The following CREB3L2 variants were observed in gnomAD, a reference collection of about 807,000 sequenced individuals.
CREB3L2 encodes cyclic AMP-responsive element-binding protein 3-like protein 2.
Under a neutral mutation model 57.2 loss-of-function variants are expected in CREB3L2, and 23 were observed. The ratio of observed to expected loss-of-function variants is 0.40; its 90% CI spans 0.29 to 0.57. The LOEUF (loss-of-function observed/expected upper bound fraction) is 0.57. CREB3L2 is among the 20% of genes least tolerant of loss of function. CREB3L2 has a pLI of 0.42. For synonymous variants in CREB3L2, 268 were observed against 265.1 expected (o/e 1.01, Z -0.11); for missense variants, 628 against 634.7 (o/e 0.99, Z 0.11).
intron 8 of CREB3L2, among the ~76,000 whole-genome samples, chr7:137,887,704 G>A (rs867154239): frequency 4.0e-5 from 6 of 149,276 alleles, no homozygotes; most frequent in African/African-American, 1.5e-4. Context: ...GCGAGATTCC[G>A]TCTCAAAGAA....
intron 1 of CREB3L2, among the ~76,000 whole-genome samples, chr7:137,949,255 C>T (rs1758565581): frequency 6.6e-6 from 1 of 152,200 alleles, no homozygotes; most frequent in African/African-American, 2.4e-5. Flanking sequence ...CTGATACGGA[C>T]CCGTGATGGG....
In CREB3L2 at chr7:137,943,597, G is replaced by C. The variant is rs182179274; in HGVS notation, c.103-15231C>G. The stretch of plus-strand genomic sequence containing the variant: ...GTTATGCAGAACCTCCATGAGAAAT[G>C]GGGGAGGGAAATGGCACTAGACCAT... On this transcript the variant is annotated intron_variant, in intron 1 of 11. Transcript: ENST00000330387. Among the ~76,000 whole-genome samples the C allele has an allele frequency of 4.6e-5, 7 of 152,258 alleles. No individual in the cohort carries two copies. The East Asian group carries it at 5.8e-4, about 13-fold the overall frequency.
chr7:137,878,911 G>A lies in CREB3L2; in HGVS notation c.*1565C>T. ...CAATAACAATGCAGATGACGTGTGTGGGGGTGGGTGGTGGGGGGAGAGAGA... is the reference window on the plus strand; with the variant it reads ...CAATAACAATGCAGATGACGTGTGTAGGGGTGGGTGGTGGGGGGAGAGAGA... On this transcript the variant is annotated 3_prime_UTR_variant, in exon 12 of 12. Coordinates refer to ENST00000330387, the MANE Select transcript of CREB3L2 (RefSeq NM_194071.4). 2 of 399,376 alleles carry A rather than the reference G, an allele frequency of 5.0e-6. No homozygotes were observed. The highest frequency in any genetic ancestry group is 2.5e-5 in the South Asian group (1 of 40,046). The allele number at this position is 399,376 out of a possible 1,614,324, so 24.7% of individuals were successfully genotyped here.
chr7:137,974,588 T>C (rs931095571), intron 1 of CREB3L2, among the ~76,000 whole-genome samples: 1 of 152,052 alleles, frequency 6.6e-6, no homozygotes, highest in Non-Finnish European at 1.5e-5. Flanking sequence ...AGAACAGATA[T>C]GAGAAAAGTT....
intron 2 of CREB3L2, among the ~76,000 whole-genome samples, chr7:137,921,627 A>G (rs1408304154): frequency 1.3e-5 from 2 of 152,262 alleles, no homozygotes; most frequent in Admixed American, 1.3e-4. Flanking sequence ...AAGAAAAAAA[A>G]ACCCTAAATT....
At chr7:137,904,468 C>A (rs1321384919) in intron 6 of CREB3L2, among the ~76,000 whole-genome samples, 1 of 152,132 alleles carries the variant, frequency 6.6e-6, no homozygotes, top group Non-Finnish European at 1.5e-5. Context: ...GAGTTCAAGA[C>A]CAGCCTGGGC....
chr7:137,915,791 G>A, intron 3 of CREB3L2, 46 bp downstream of exon 3: 2 of 1,529,654 alleles, frequency 1.3e-6, no homozygotes, highest in South Asian at 2.4e-5. Context: ...GGATCTATCT[G>A]TATCTTTTAA....
rs776396630 is a variant in CREB3L2 at position 137,928,153 on chromosome 7, C to G, written c.316G>C (p.Asp106His). The G allele has an allele frequency of 6.5e-7, 1 of 1,532,502 alleles. No homozygotes were observed. The highest frequency in any genetic ancestry group is 8.8e-7 in the Non-Finnish European group (1 of 1,142,432). The allele number at this position is 1,532,502 out of a possible 1,614,324, so 94.9% of individuals were successfully genotyped here. The change falls in exon 2 of 12, where the codon GAC becomes CAC. Residue 106 changes from aspartate to histidine, a missense_variant. This residue lies in a region of CREB3L2 where 339 missense variants were observed against 355.4 expected (regional missense o/e 0.95). Coordinates refer to ENST00000330387, the MANE Select transcript of CREB3L2 (RefSeq NM_194071.4). ...CTTCCTCCTCCTCTGAGTTTACCGT[C>G]ATTGAAGCTGTCACTGGTGGTAATG... ...THITTSDSFN[D>H]DEVESEKWYL...
At chr7:137,943,734 T>C (rs970853874) in intron 1 of CREB3L2, among the ~76,000 whole-genome samples, 5 of 152,196 alleles carry the variant, frequency 3.3e-5, no homozygotes, top group African/African-American at 1.2e-4. Flanking sequence ...CCAGGCCATG[T>C]TGATATTGTC....
intron 1 of CREB3L2, among the ~76,000 whole-genome samples, chr7:137,997,530 G>A (rs1348818862): frequency 2.0e-5 from 3 of 150,502 alleles, no homozygotes; most frequent in African/African-American, 7.3e-5. Context: ...AGACCAGCCT[G>A]GGCAACATAC....
At chr7:137,947,482 G>T (rs1222572909) in intron 1 of CREB3L2, among the ~76,000 whole-genome samples, 2 of 152,164 alleles carry the variant, frequency 1.3e-5, no homozygotes, top group Non-Finnish European at 2.9e-5. Flanking sequence ...CAAACTGGGG[G>T]TGTAGTCCTG....
At chr7:137,885,331 G>T in intron 9 of CREB3L2, 72 bp downstream of exon 9, 2 of 1,362,874 alleles carry the variant, frequency 1.5e-6, no homozygotes, top group Non-Finnish European at 2.1e-6. Flanking sequence ...CTTGGCCTTG[G>T]CAAGTGGAGG....
At chr7:137,956,464 A>C in intron 1 of CREB3L2, 1 of 436,914 alleles carries the variant, frequency 2.3e-6, no homozygotes, top group East Asian at 7.3e-5. Context: ...CAGTAATAGA[A>C]TTAATTTGAA....
At chr7:137,919,802 C>T (rs1304720791) in intron 2 of CREB3L2, among the ~76,000 whole-genome samples, 8 of 152,068 alleles carry the variant, frequency 5.3e-5, no homozygotes, top group East Asian at 1.9e-4. Context: ...AAGACAAAAA[C>T]TCTAGATAAA....
chr7:137,925,786 T>G (rs1452984888), intron 2 of CREB3L2, among the ~76,000 whole-genome samples: 1 of 152,246 alleles, frequency 6.6e-6, no homozygotes, highest in Non-Finnish European at 1.5e-5. Context: ...ACATCTTAAA[T>G]GAGTAGTATC....
At chr7:137,907,987 T>G (rs188984731) in intron 5 of CREB3L2, among the ~76,000 whole-genome samples, 154 of 152,362 alleles carry the variant, frequency 1.0e-3, no homozygotes, top group African/African-American at 3.5e-3. Context: ...CTCATGTCTA[T>G]AGCTCTGTAA....
chr7:137,994,850 C>A (rs1228662981), intron 1 of CREB3L2, among the ~76,000 whole-genome samples: 2 of 152,132 alleles, frequency 1.3e-5, no homozygotes, highest in Admixed American at 1.3e-4. Flanking sequence ...GCGCCCAGGG[C>A]AAATTACTGT....
At chr7:137,941,065 CAT>C (rs944750685) in intron 1 of CREB3L2, among the ~76,000 whole-genome samples, 3 of 152,196 alleles carry the variant, frequency 2.0e-5, no homozygotes, top group Non-Finnish European at 4.4e-5. Context: ...TCTGGAATGA[CAT>C]GTGTTGAGAC....
In CREB3L2 at chr7:137,875,053, T is replaced by C. The variant is rs73729083; in HGVS notation, c.*5423A>G. On this transcript the variant is annotated 3_prime_UTR_variant, in exon 12 of 12. Transcript: ENST00000330387. ...CATAACAATTTCAATTTATTTTTTT[T>C]TCCCAAACTAAGTACAAGTGTCCTA... 0.033 allele frequency: 6,295 copies of C among 192,270 alleles called. 335 individuals carry two copies. The highest frequency in any genetic ancestry group is 0.13 in the African/African-American group (5,443 of 42,982). 11.9% of individuals were successfully genotyped at this position (192,270 alleles called of 1,614,324 possible).
Sources: gnomAD v4.1 joint callset for allele counts (sites outside exome capture counted in the v4.1 genomes callset) on GRCh38, gnomAD v4.1.1 for gene constraint, gnomAD v4.1.1 regional missense constraint, MANE v1.5 for transcripts, NCBI Gene and HGNC (gene_info 2026-07-23, HGNC 2026-07-21) for gene names.